Variants in FHIT observed in about 807,000 individuals in gnomAD.
FHIT encodes bis(5'-adenosyl)-triphosphatase.
FHIT carries 19 observed loss-of-function variants against 17.9 expected under a neutral mutation model. That is an observed-to-expected ratio of 1.06 (90% confidence interval 0.74 to 1.56). FHIT has a LOEUF of 1.56. Among genes scored for constraint, FHIT ranks in the 40% most tolerant of loss-of-function variants. The probability of loss-of-function intolerance (pLI) is 0.00; values close to 1 mark genes in which losing one functional copy is unlikely to be tolerated. For missense variants in FHIT, 248 were observed against 189.2 expected (o/e 1.31, Z -1.82); for synonymous variants, 81 against 69.7 (o/e 1.16, Z -0.81).
chr3:60,308,553 G>T (rs1708793825), intron 5 of FHIT, among the ~76,000 whole-genome samples: 1 of 148,674 alleles, frequency 6.7e-6, no homozygotes, highest in Admixed American at 6.7e-5. Flanking sequence ...TCTTTGGACT[G>T]ACTTTAACGT....
intron 5 of FHIT, among the ~76,000 whole-genome samples, chr3:60,026,427 C>T (rs529817073): frequency 2.6e-5 from 4 of 152,122 alleles, no homozygotes; most frequent in Admixed American, 1.3e-4. Flanking sequence ...CCAGTGTTAT[C>T]GTTTGGAACC....
chr3:60,393,666 G>A (rs113958911), intron 5 of FHIT, among the ~76,000 whole-genome samples: 134 of 151,544 alleles, frequency 8.8e-4, no homozygotes, highest in African/African-American at 3.1e-3. Flanking sequence ...TTCTTCCTAC[G>A]TTTTTTTTAT....
chr3:60,123,698 C>T (rs948020681), intron 5 of FHIT, among the ~76,000 whole-genome samples: 3 of 151,812 alleles, frequency 2.0e-5, no homozygotes, highest in Non-Finnish European at 4.4e-5. Context: ...AAGAAATCCT[C>T]CTTTGTCAAC....
chr3:61,093,830 G>A (rs2035556980), intron 2 of FHIT, among the ~76,000 whole-genome samples: 1 of 152,214 alleles, frequency 6.6e-6, no homozygotes, highest in African/African-American at 2.4e-5. Context: ...TATACCCACT[G>A]TCAACCCTAA....
chr3:60,614,820 G>GC (rs2038899368), intron 4 of FHIT, among the ~76,000 whole-genome samples: 1 of 58,858 alleles, frequency 1.7e-5, no homozygotes, highest in East Asian at 3.4e-4. Context: ...TTTTTTTTTT[G>GC]TTTTTTTTTT....
intron 8 of FHIT, among the ~76,000 whole-genome samples, chr3:59,835,596 C>T (rs1286271103): frequency 6.6e-6 from 1 of 152,050 alleles, no homozygotes; most frequent in Non-Finnish European, 1.5e-5. Context: ...TCCTGACCTA[C>T]CAAGAGGCAG....
chr3:60,903,498 T>A (rs1706229899), intron 3 of FHIT, among the ~76,000 whole-genome samples: 1 of 152,214 alleles, frequency 6.6e-6, no homozygotes, highest in Non-Finnish European at 1.5e-5. Flanking sequence ...CACTTCTAAG[T>A]TAGATGGAAG....
chr3:60,951,450 C>G (rs1385388040), intron 3 of FHIT, among the ~76,000 whole-genome samples: 1 of 152,164 alleles, frequency 6.6e-6, no homozygotes, highest in African/African-American at 2.4e-5. Context: ...AACAATAAGG[C>G]AGCCCATGAC....
intron 5 of FHIT, among the ~76,000 whole-genome samples, chr3:60,418,397 T>C (rs1171604883): frequency 1.7e-5 from 2 of 120,402 alleles, no homozygotes; most frequent in African/African-American, 7.5e-5. Flanking sequence ...TATATATATA[T>C]ATATATATAT....
intron 4 of FHIT, among the ~76,000 whole-genome samples, chr3:60,587,732 A>G (rs1553662637): frequency 6.6e-6 from 1 of 151,942 alleles, no homozygotes; most frequent in African/African-American, 2.4e-5. Flanking sequence ...ATTAACCACT[A>G]TTTATTGAGC....
At chr3:60,691,097 G>A (rs1162665421) in intron 4 of FHIT, among the ~76,000 whole-genome samples, 1 of 151,894 alleles carries the variant, frequency 6.6e-6, no homozygotes, top group Non-Finnish European at 1.5e-5. Context: ...CCTGGAGTAC[G>A]GAAAGTCCCT....
Position 60,434,087 on chromosome 3 carries a change from C to T in FHIT, c.103+102773G>A, listed in dbSNP as rs117231859. On this transcript the variant is annotated intron_variant, in intron 5 of 9. Coordinates refer to ENST00000492590, the MANE Select transcript of FHIT (RefSeq NM_002012.4). ...TTCACTTTGAGCTTATTTTTATGTA[C>T]CACAGAATACATTAAAATTGGACCC... Among the ~76,000 whole-genome samples, 106 of 152,136 alleles carry T rather than the reference C, an allele frequency of 7.0e-4. No homozygotes were observed. The East Asian group carries it at 0.018, about 26-fold the overall frequency.
chr3:60,047,455 A>G (rs1701699083), intron 5 of FHIT, among the ~76,000 whole-genome samples: 1 of 152,218 alleles, frequency 6.6e-6, no homozygotes, highest in Non-Finnish European at 1.5e-5. Flanking sequence ...TCCAGCAGCT[A>G]ATTCAAAGCC....
At chr3:61,245,924 A>C (rs1180716091) in intron 1 of FHIT, among the ~76,000 whole-genome samples, 3 of 152,192 alleles carry the variant, frequency 2.0e-5, no homozygotes, top group Non-Finnish European at 4.4e-5. Context: ...AGGTTAAGGC[A>C]TTCTTAGTCA....
intron 3 of FHIT, among the ~76,000 whole-genome samples, chr3:60,912,597 T>A (rs933128380): frequency 6.6e-6 from 1 of 152,148 alleles, no homozygotes; most frequent in Non-Finnish European, 1.5e-5. Flanking sequence ...AAACAGGATA[T>A]AGATTTATAA....
intron 4 of FHIT, among the ~76,000 whole-genome samples, chr3:60,804,750 A>G (rs558743837): frequency 1.3e-5 from 2 of 152,170 alleles, no homozygotes; most frequent in African/African-American, 4.8e-5. Context: ...TTTGTTTACC[A>G]TTCTTTCTCC....
intron 5 of FHIT, among the ~76,000 whole-genome samples, chr3:60,511,178 T>C (rs1348006401): frequency 6.6e-6 from 1 of 152,164 alleles, no homozygotes; most frequent in Non-Finnish European, 1.5e-5. Context: ...AAAATGATAA[T>C]ATTAACTATC....
intron 4 of FHIT, among the ~76,000 whole-genome samples, chr3:60,633,247 A>G (rs376406429): frequency 1.3e-5 from 2 of 152,312 alleles, no homozygotes; most frequent in African/African-American, 4.8e-5. Flanking sequence ...CTGATTCCAC[A>G]TCCCGATTGC....
intron 5 of FHIT, among the ~76,000 whole-genome samples, chr3:60,132,966 C>T (rs545677259): frequency 5.3e-5 from 8 of 152,102 alleles, no homozygotes; most frequent in African/African-American, 1.9e-4. Flanking sequence ...ACTGAAATAG[C>T]ATCTAAAAGC....
Sources: gnomAD v4.1 joint callset for allele counts (sites outside exome capture counted in the v4.1 genomes callset) on GRCh38, gnomAD v4.1.1 for gene constraint, MANE v1.5 for transcripts, NCBI Gene and HGNC (gene_info 2026-07-23, HGNC 2026-07-21) for gene names.